The following CLPP variants were observed in gnomAD, a reference collection of about 807,000 sequenced individuals.
CLPP encodes the protein caseinolytic mitochondrial matrix peptidase proteolytic subunit, also known as ATP-dependent Clp protease proteolytic subunit, mitochondrial.
In CLPP, 14 loss-of-function variants were observed where a neutral mutation model predicts 27.4. That is an observed-to-expected ratio of 0.51 (90% CI 0.34 to 0.80). CLPP has a LOEUF of 0.80. Ranked by LOEUF, CLPP falls within the 30% of genes least tolerant of loss-of-function variation. The pLI is 0.02. For missense variants in CLPP, 361 were observed against 403.6 expected (o/e 0.89, Z 0.90); for synonymous variants, 193 against 166.6 (o/e 1.16, Z -1.22).
Position 6,361,650 on chromosome 19 carries a change from G to A in CLPP, c.76G>A (p.Ala26Thr), listed in dbSNP as rs1269887389. ...RYPALGPRLA[A>T]HFPAQRPPQR... ...CCCCGCGCTGGGGCCTCGCCTCGCC[G>A]CTCACTTTCCAGCGCAGCGGCCGCC... Residue 26 changes from alanine to threonine, a missense_variant, in exon 1 of 6, where the codon GCT (alanine) becomes ACT (threonine). By Grantham distance (58) the Ala-to-Thr change is moderately conservative. Coordinates refer to ENST00000245816, the MANE Select transcript of CLPP (RefSeq NM_006012.4). The A allele has an allele frequency of 4.9e-6, 7 of 1,414,206 alleles. No homozygotes were observed. Among genetic ancestry groups the A allele is most frequent in the Admixed American group, 3.0e-5 (1 of 33,534 alleles). The allele number at this position is 1,414,206 out of a possible 1,614,324, so 87.6% of individuals were successfully genotyped here.
intron 5 of CLPP, among the ~76,000 whole-genome samples, chr19:6,366,688 G>A (rs2091864390): frequency 6.6e-6 from 1 of 152,034 alleles, no homozygotes; most frequent in Admixed American, 6.6e-5. Flanking sequence ...GCTCAGGCTG[G>A]AATGCAGTGG....
chr19:6,364,123 C>G (rs974411764), intron 3 of CLPP, among the ~76,000 whole-genome samples: 1 of 150,598 alleles, frequency 6.6e-6, no homozygotes, highest in Non-Finnish European at 1.5e-5. Flanking sequence ...CTCCGCCTCC[C>G]GGGTTCACGC....
Position 6,361,599 on chromosome 19 carries a change from G to T in CLPP, c.25G>T (p.Gly9Trp), listed in dbSNP as rs576318049. Residue 9 changes from glycine (G) to tryptophan (W), a missense_variant, in exon 1 of 6, where the codon GGG becomes TGG. By Grantham distance (184) the Gly-to-Trp change is radical. Coordinates refer to ENST00000245816, the MANE Select transcript of CLPP (RefSeq NM_006012.4). The part of the protein sequence containing the change: MWPGILVG[G>W]ARVASCRYPA... ...GATGTGGCCCGGAATATTGGTAGGG[G>T]GGGCCCGGGTGGCGTCATGCAGGTA... is the stretch of plus-strand genomic sequence containing the variant. The T allele has an allele frequency of 8.5e-6, 12 of 1,413,996 alleles. No homozygotes were observed. The South Asian group carries it at 1.9e-4, about 23-fold the overall frequency. 87.6% of individuals were successfully genotyped at this position (1,413,996 alleles called of 1,614,324 possible). A position where few individuals can be genotyped will look rare whatever the true frequency, so the allele number is the denominator to read the frequency against.
At chr19:6,368,301 A>G (rs1342434423) in intron 5 of CLPP, among the ~76,000 whole-genome samples, 1 of 151,944 alleles carries the variant, frequency 6.6e-6, no homozygotes, top group Admixed American at 6.6e-5. Context: ...GAGAGAGAGC[A>G]AGTGCACTGG....
intron 4 of CLPP, 115 bp from the exon 5 acceptor site, chr19:6,366,143 C>T (rs764756815): frequency 3.0e-6 from 2 of 661,770 alleles, no homozygotes; most frequent in Non-Finnish European, 5.4e-6. Context: ...GCCCACCAGC[C>T]TCAAACCGGA....
rs945410722 is a variant in CLPP, at chr19:6,369,699, C to T, written c.*989C>T. Among the ~76,000 whole-genome samples, 11 of 150,168 alleles carry T rather than the reference C, an allele frequency of 7.3e-5. No individual in the cohort carries two copies. Among genetic ancestry groups the T allele is most frequent in the Non-Finnish European group, 1.2e-4 (8 of 67,730 alleles). ...AAAGTAGAGGTGAAAATTAGCCAGG[C>T]GTGATGGTGCACTTGAACCCGGGAG... On this transcript the variant is annotated 3_prime_UTR_variant, in exon 6 of 6. Coordinates refer to ENST00000245816, the MANE Select transcript of CLPP (RefSeq NM_006012.4).
At chr19:6,363,892 C>CAAA (rs367560960) in intron 3 of CLPP, among the ~76,000 whole-genome samples, 2 of 133,048 alleles carry the variant, frequency 1.5e-5, no homozygotes, top group African/African-American at 2.7e-5. Context: ...GACTCAGTCT[C>CAAA]AAAAAAAAAA....
In CLPP at chr19:6,368,799, T is replaced by A; in HGVS notation, c.*89T>A. On this transcript the variant is annotated 3_prime_UTR_variant, in exon 6 of 6. Coordinates refer to ENST00000245816, the MANE Select transcript of CLPP (RefSeq NM_006012.4). ...CCCTGCTCACCCCTTGTTGCTGGGC[T>A]TGGAGGGGCCTCTTGAGGAACTTTT... 1 of 1,274,870 alleles carries A rather than the reference T, an allele frequency of 7.8e-7. No individual in the cohort carries two copies. The highest frequency in any genetic ancestry group is 1.1e-6 in the Non-Finnish European group (1 of 934,276). 79.0% of individuals were successfully genotyped at this position (1,274,870 alleles called of 1,614,324 possible).
At chr19:6,368,497 G>GCTCTTACCCTAATGTGTCTCAC in intron 5 of CLPP, 41 bp from the exon 6 acceptor site, 1 of 1,610,588 alleles carries the variant, frequency 6.2e-7, no homozygotes, top group Non-Finnish European at 8.5e-7. Context: ...CTGGGTCTCT[G>GCTCTTACCCTAATGTGTCTCAC]CTCTTACCCT....
At position 6,369,125 on chromosome 19, in the gene CLPP, T is replaced by TA. The variant is rs763352939; in HGVS notation, c.*423dup. Among the ~76,000 whole-genome samples, 39 of 151,698 alleles carry TA rather than the reference T, an allele frequency of 2.6e-4. No homozygotes were observed. The highest frequency in any genetic ancestry group is 1.2e-3 in the Admixed American group (18 of 15,212). On this transcript the variant is annotated 3_prime_UTR_variant, in exon 6 of 6. Transcript: ENST00000245816. The stretch of plus-strand genomic sequence containing the variant: ...CATTCTTGTGGCAGTAGACAGTTAC[T>TA]AAAAAAAACAAAACAGGCCAGGCGC...
chr19:6,362,511 G>A lies in CLPP; in HGVS notation c.336G>A (p.Lys112=). The change falls in exon 3 of 6, where the codon AAG becomes AAA. Residue 112 remains lysine, a synonymous_variant. Transcript: ENST00000245816. ...TCTTCCTGCAATCCGAGAGCAACAA[G>A]AAGCCCATCCACATGTACATCAACA... The part of the protein sequence containing the change: ...QLLFLQSESN[K]KPIHMYINSP... The A allele has an allele frequency of 6.2e-7, 1 of 1,614,036 alleles. No individual in the cohort carries two copies. Among genetic ancestry groups the A allele is most frequent in the South Asian group, 1.1e-5 (1 of 91,086 alleles).
At chr19:6,364,311 T>C in intron 3 of CLPP, 141 bp from the exon 4 acceptor site, 1 of 760,558 alleles carries the variant, frequency 1.3e-6, no homozygotes, top group Middle Eastern at 3.9e-4. Context: ...ATTGCAGGCA[T>C]GAGCCACAGC....
chr19:6,362,126 TC>T, intron 2 of CLPP, 186 bp downstream of exon 2: 1 of 601,862 alleles, frequency 1.7e-6, no homozygotes, highest in Non-Finnish European at 2.9e-6. Flanking sequence ...CCTTCTCTGC[TC>T]CTCGGCTCTT....
At chr19:6,366,902 A>G (rs190551817) in intron 5 of CLPP, among the ~76,000 whole-genome samples, 2,318 of 151,700 alleles carry the variant, frequency 0.015, 56 homozygotes, top group African/African-American at 0.054. Flanking sequence ...AAGTTCTGGG[A>G]TTACAAGTGT....
chr19:6,362,126 T>C, intron 2 of CLPP, 186 bp downstream of exon 2: 1 of 601,862 alleles, frequency 1.7e-6, no homozygotes, highest in South Asian at 2.0e-5. Context: ...CCTTCTCTGC[T>C]CCTCGGCTCT....
chr19:6,368,633 G>A lies in CLPP; in HGVS notation c.757G>A (p.Glu253Lys). 1 of 1,610,486 alleles carries A rather than the reference G, an allele frequency of 6.2e-7. No homozygotes were observed. ...KVLVHPPQDGEDEPTLVQKEP... is the reference protein window; with the variant it reads ...KVLVHPPQDGKDEPTLVQKEP... ...TCTGGTCCACCCTCCCCAGGACGGT[G>A]AGGATGAGCCCACGCTGGTGCAGAA... Residue 253 changes from glutamate (E) to lysine (K), a missense_variant, in exon 6 of 6, where the codon GAG becomes AAG. Around this residue, in one of 2 missense-constraint regions of CLPP, gnomAD observed 213 missense variants for 280.9 expected, o/e 0.76. Transcript: ENST00000245816.
intron 2 of CLPP, 186 bp from the exon 3 acceptor site, chr19:6,362,260 T>G: frequency 1.9e-6 from 1 of 535,154 alleles, no homozygotes; most frequent in Non-Finnish European, 3.3e-6. Context: ...CCCCTTCCTG[T>G]GCTCCAAACC....
At position 6,364,409 on chromosome 19, in the gene CLPP, G is replaced by T. The variant is rs113114685; in HGVS notation, c.368-43G>T. ...TAGGAGATGGAATAGGGAAAGGGTCGGGGGGAGCTGGTCCAGCCCCTCACT... is the reference window on the plus strand; with the variant it reads ...TAGGAGATGGAATAGGGAAAGGGTCTGGGGGAGCTGGTCCAGCCCCTCACT... On this transcript the variant is annotated intron_variant, in intron 3 of 5. Coordinates refer to ENST00000245816, the MANE Select transcript of CLPP (RefSeq NM_006012.4). The T allele has an allele frequency of 7.2e-3, 11,209 of 1,555,276 alleles. 702 individuals are homozygous for T. The African/African-American group carries it at 0.14, about 19-fold the overall frequency.
intron 2 of CLPP, 33 bp downstream of exon 2, chr19:6,361,973 C>G: frequency 6.3e-7 from 1 of 1,584,358 alleles, no homozygotes; most frequent in African/African-American, 1.3e-5. Flanking sequence ...CTCCCCAGGA[C>G]TCTCCCAAGC....
Sources: gnomAD v4.1 joint callset for allele counts (sites outside exome capture counted in the v4.1 genomes callset) on GRCh38, gnomAD v4.1.1 for gene constraint, gnomAD v4.1.1 regional missense constraint, MANE v1.5 for transcripts, NCBI Gene and HGNC (gene_info 2026-07-23, HGNC 2026-07-21) for gene names.